FAM118B: variants seen among roughly 807,000 people sequenced by gnomAD.
The protein encoded by FAM118B is SIR2 antiphage like 1.
In FAM118B, 24 loss-of-function variants were observed where a neutral mutation model predicts 38.5. The observed-to-expected ratio is 0.62, with a 90% CI of 0.45 to 0.88. The LOEUF is 0.88. FAM118B is among the 40% of genes least tolerant of loss of function. The probability of loss-of-function intolerance (pLI) is 0.00; values close to 1 mark genes in which losing one functional copy is unlikely to be tolerated. For missense variants in FAM118B, 334 were observed against 420.0 expected (o/e 0.80, Z 1.79); for synonymous variants, 138 against 156.3 (o/e 0.88, Z 0.87).
intron 4 of FAM118B, among the ~76,000 whole-genome samples, chr11:126,249,485 CA>C (rs139831105): frequency 0.19 from 28,146 of 151,876 alleles, 2,921 homozygotes; most frequent in Non-Finnish European, 0.25. Context: ...GTAATCCCAG[CA>C]CTTTGGGAGG....
Position 126,255,550 on chromosome 11 carries a change from A to G in FAM118B, c.697-1017A>G, listed in dbSNP as rs1213585963. On this transcript the variant is annotated intron_variant, in intron 6 of 8. Coordinates refer to ENST00000533050, the MANE Select transcript of FAM118B (RefSeq NM_024556.4). The surrounding 1 kb of genome is among the most constrained non-coding windows in gnomAD (Gnocchi z 4.6). The stretch of plus-strand genomic sequence containing the variant: ...AAACGCCTTTCCTTGAGCAAATCCG[A>G]TGATGGAATTATCTTCTCTGGTGAT... 3.3e-5 allele frequency among the ~76,000 whole-genome samples: 5 copies of G among 152,156 alleles called. No individual in the cohort carries two copies. Among genetic ancestry groups the G allele is most frequent in the Non-Finnish European group, 5.9e-5 (4 of 68,034 alleles).
chr11:126,259,848 G>A (rs1950650967), intron 7 of FAM118B, among the ~76,000 whole-genome samples: 2 of 151,736 alleles, frequency 1.3e-5, no homozygotes, highest in African/African-American at 4.8e-5. Context: ...AGTCTCCCGA[G>A]TAGCTGGGAC....
rs1393633153 is a variant in FAM118B at position 126,227,060 on chromosome 11, T to TC, written c.-76-2165_-76-2164insC. On this transcript the variant is annotated intron_variant, in intron 1 of 8. Transcript: ENST00000533050. ...ATGCTCTCAAACAATACAAGCTTCTTTTTTTTTTTTTTTTTTTTTTGAGAC... is the reference window on the plus strand; with the variant it reads ...ATGCTCTCAAACAATACAAGCTTCTTCTTTTTTTTTTTTTTTTTTTTGAGAC... Among the ~76,000 whole-genome samples, 106 of 59,828 alleles carry TC rather than the reference T, an allele frequency of 1.8e-3. 1 individual carries two copies. Among genetic ancestry groups the TC allele is most frequent in the Admixed American group, 4.2e-3 (33 of 7,862 alleles). 39.2% of individuals were successfully genotyped at this position (59,828 alleles called of 152,430 possible).
chr11:126,249,750 A>AAAAG (rs1412971152), intron 4 of FAM118B, among the ~76,000 whole-genome samples: 3 of 117,988 alleles, frequency 2.5e-5, no homozygotes, highest in African/African-American at 9.6e-5. Flanking sequence ...AAAAAAAAAA[A>AAAAG]AAAAGAAAAA....
chr11:126,250,576 A>T lies in FAM118B; in HGVS notation c.410A>T (p.Lys137Met). ...GAAGTATTTGATGACTTGGAGTCAAAGATGGAAGATTCTGGAAAACAGCTA... is the reference window on the plus strand; with the variant it reads ...GAAGTATTTGATGACTTGGAGTCAATGATGGAAGATTCTGGAAAACAGCTA... ...LYEVFDDLES[K>M]MEDSGKQLLQ... Residue 137 changes from lysine to methionine, a missense_variant, in exon 5 of 9, where the codon AAG (lysine) becomes ATG (methionine). By Grantham distance (95) the Lys-to-Met change is moderately conservative. This residue lies in a region of FAM118B where 240 missense variants were observed against 295.9 expected (regional missense o/e 0.81). Coordinates refer to ENST00000533050, the MANE Select transcript of FAM118B (RefSeq NM_024556.4). This position sits in a 1 kb window ranked among gnomAD's most constrained non-coding sequence, Gnocchi z 5.1. The T allele has an allele frequency of 6.2e-7, 1 of 1,614,160 alleles. No homozygotes were observed. Among genetic ancestry groups the T allele is most frequent in the Non-Finnish European group, 8.5e-7 (1 of 1,179,988 alleles).
intron 1 of FAM118B, among the ~76,000 whole-genome samples, chr11:126,219,778 C>G (rs900119073): frequency 5.3e-5 from 8 of 152,012 alleles, no homozygotes; most frequent in African/African-American, 1.9e-4. Context: ...CTCCCTACCC[C>G]CAGCCACTAG....
At chr11:126,230,742 C>T (rs1193794419) in intron 2 of FAM118B, among the ~76,000 whole-genome samples, 1 of 152,190 alleles carries the variant, frequency 6.6e-6, no homozygotes. Context: ...ACTGGACTTA[C>T]AGGAGAAACA....
chr11:126,262,223 C>T lies in FAM118B; in HGVS notation c.*90C>T. 2 of 1,408,344 alleles carry T rather than the reference C, an allele frequency of 1.4e-6. No homozygotes were observed. Among genetic ancestry groups the T allele is most frequent in the Non-Finnish European group, 2.0e-6 (2 of 998,700 alleles). The allele number at this position is 1,408,344 out of a possible 1,614,324, so 87.2% of individuals were successfully genotyped here. A position where few individuals can be genotyped will look rare whatever the true frequency, so the allele number is the denominator to read the frequency against. ...CAAGTAAACTTACAAGAACCCAACA[C>T]AATTCCCAGAAAGTAACAATAGCCA... is the stretch of plus-strand genomic sequence containing the variant. On this transcript the variant is annotated 3_prime_UTR_variant, in exon 9 of 9. Coordinates refer to ENST00000533050, the MANE Select transcript of FAM118B (RefSeq NM_024556.4).
At chr11:126,261,637 G>GA (rs1950701951) in intron 8 of FAM118B, among the ~76,000 whole-genome samples, 153 bp downstream of exon 8, 1 of 152,162 alleles carries the variant, frequency 6.6e-6, no homozygotes. Context: ...ACCCATTAAG[G>GA]ATTCTATCTT....
intron 7 of FAM118B, among the ~76,000 whole-genome samples, chr11:126,259,471 G>A (rs1162744409): frequency 6.7e-6 from 1 of 149,130 alleles, no homozygotes; most frequent in Non-Finnish European, 1.5e-5. Flanking sequence ...CTGACGCCAG[G>A]CTGGAGTGCA....
intron 7 of FAM118B, among the ~76,000 whole-genome samples, chr11:126,258,003 C>T (rs1430428490): frequency 6.6e-6 from 1 of 152,150 alleles, no homozygotes; most frequent in Non-Finnish European, 1.5e-5. Context: ...CAGAGTATGG[C>T]TAGTGTGACT....
chr11:126,251,731 C>CT (rs1253065266), intron 5 of FAM118B, among the ~76,000 whole-genome samples: 2,062 of 137,398 alleles, frequency 0.015, 29 homozygotes, highest in African/African-American at 0.037. Context: ...TAACTTGCAG[C>CT]TTTTTTTTTT....
chr11:126,224,211 G>A (rs749187367), intron 1 of FAM118B, among the ~76,000 whole-genome samples: 13 of 151,988 alleles, frequency 8.6e-5, no homozygotes, highest in Middle Eastern at 3.2e-3. Context: ...AGTGACTCTC[G>A]CCTTTAATCC....
intron 2 of FAM118B, among the ~76,000 whole-genome samples, chr11:126,232,207 C>T (rs1950215070): frequency 6.6e-6 from 1 of 152,050 alleles, no homozygotes; most frequent in Non-Finnish European, 1.5e-5. Flanking sequence ...TTGAGCATCC[C>T]TAGTCCAAAA....
In FAM118B at chr11:126,252,679, G is replaced by C. The variant is rs772322773; in HGVS notation, c.568-1626G>C. 2.6e-5 allele frequency among the ~76,000 whole-genome samples: 4 copies of C among 152,076 alleles called. No individual in the cohort carries two copies. The highest frequency in any genetic ancestry group is 1.5e-5 in the Non-Finnish European group (1 of 68,028). ...GATCGATTGAGCTGAGGCAGTCGAG[G>C]CTACAGTGAGTTGTGATCACACTGT... On this transcript the variant is annotated intron_variant, in intron 5 of 8. Coordinates refer to ENST00000533050, the MANE Select transcript of FAM118B (RefSeq NM_024556.4). This position sits in a 1 kb window ranked among gnomAD's most constrained non-coding sequence, Gnocchi z 4.7.
chr11:126,239,251 C>G (rs2135168951), intron 3 of FAM118B, among the ~76,000 whole-genome samples: 1 of 152,240 alleles, frequency 6.6e-6, no homozygotes. Flanking sequence ...GCATGAACCA[C>G]TGCACTTAGC....
chr11:126,235,158 A>G, intron 3 of FAM118B, 71 bp downstream of exon 3: 1 of 1,242,266 alleles, frequency 8.0e-7, no homozygotes, highest in Non-Finnish European at 1.2e-6. Context: ...GCCAACTTAT[A>G]CCTTCTATAT....
At chr11:126,214,514 G>GTTTTTTTGTT (rs1949951662) in intron 1 of FAM118B, 2 of 41,500 alleles carry the variant, frequency 4.8e-5, no homozygotes, top group African/African-American at 5.8e-5. Context: ...TTTTTTTTTT[G>GTTTTTTTGTT]TTTTTTTTTT....
Position 126,240,884 on chromosome 11 carries a change from CA to C in FAM118B, c.180del (p.Ala61ProfsTer8). 6.2e-7 allele frequency: 1 copy of C among 1,614,180 alleles called. No homozygotes were observed. The highest frequency in any genetic ancestry group is 8.5e-7 in the Non-Finnish European group (1 of 1,180,024). On this transcript the variant is annotated frameshift_variant, in exon 4 of 9. Transcript: ENST00000533050. LOFTEE classifies it high-confidence loss of function. ...GISAAVAPQV[P>X]ALKSWKGLIQ... ...AGTGCTGCAGTTGCGCCCCAAGTTC[CA>C]GCCCTCAAATCCTGGAAGGGGTTAA...
Sources: gnomAD v4.1 joint callset for allele counts (sites outside exome capture counted in the v4.1 genomes callset) on GRCh38, gnomAD v4.1.1 for gene constraint, gnomAD v4.1.1 regional missense constraint, Gnocchi (gnomAD v3.1) non-coding constraint, MANE v1.5 for transcripts, NCBI Gene and HGNC (gene_info 2026-07-23, HGNC 2026-07-21) for gene names.